SAMD12: variants seen among roughly 807,000 people sequenced by gnomAD.
SAMD12 encodes sterile alpha motif domain containing 12, also known as sterile alpha motif domain-containing protein 12.
Under a neutral mutation model 15.0 loss-of-function variants are expected in SAMD12, and 9 were observed. The ratio of observed to expected loss-of-function variants is 0.60; its 90% confidence interval spans 0.36 to 1.05. SAMD12 has a LOEUF of 1.05. SAMD12 is among the 50% of genes least tolerant of loss of function. The pLI, the probability that SAMD12 is intolerant of heterozygous loss-of-function variation, is 0.01. For missense variants in SAMD12, 230 were observed against 234.2 expected, an observed-to-expected ratio of 0.98 and a Z score of 0.12; for synonymous variants, 86 against 90.1, an observed-to-expected ratio of 0.96 and a Z score of 0.25.
chr8:118,203,400 G>C (rs921628611), intron 4 of SAMD12, among the ~76,000 whole-genome samples: 5 of 151,900 alleles, frequency 3.3e-5, no homozygotes, highest in African/African-American at 1.2e-4. Flanking sequence ...GTGTGTGTGT[G>C]TGTGTGTCGA....
chr8:118,599,579 A>G (rs74961928), intron 1 of SAMD12, among the ~76,000 whole-genome samples: 3,427 of 152,178 alleles, frequency 0.023, 106 homozygotes, highest in African/African-American at 0.076. Flanking sequence ...TTCACCTCCA[A>G]TCACCCCACT....
At chr8:118,200,135 C>A (rs1284964504) in intron 4 of SAMD12, among the ~76,000 whole-genome samples, 1 of 152,118 alleles carries the variant, frequency 6.6e-6, no homozygotes, top group African/African-American at 2.4e-5. Flanking sequence ...TCACCTTCTG[C>A]TATGATTGTG....
chr8:118,458,890 A>C (rs908229047), intron 2 of SAMD12, among the ~76,000 whole-genome samples: 11 of 152,084 alleles, frequency 7.2e-5, no homozygotes, highest in African/African-American at 2.7e-4. Context: ...TGTGCCTGAC[A>C]CTTAATTTCA....
chr8:118,308,222 C>T (rs1815444853), intron 4 of SAMD12, among the ~76,000 whole-genome samples: 1 of 152,154 alleles, frequency 6.6e-6, no homozygotes, highest in African/African-American at 2.4e-5. Context: ...TGCTGGGAAC[C>T]TGATACAGGC....
At chr8:118,246,178 G>A (rs2129990614) in intron 4 of SAMD12, among the ~76,000 whole-genome samples, 1 of 152,116 alleles carries the variant, frequency 6.6e-6, no homozygotes, top group East Asian at 1.9e-4. Flanking sequence ...TAACAGGAGA[G>A]TTGTCAGTGG....
the SAMD12 span, among the ~76,000 whole-genome samples, chr8:118,157,021 A>T: frequency 2.6e-5 from 4 of 152,202 alleles, no homozygotes; most frequent in African/African-American, 9.7e-5. Context: ...CAGCCAGTAA[A>T]TACACAGCAA....
At chr8:118,534,971 C>G (rs1563914320) in intron 2 of SAMD12, among the ~76,000 whole-genome samples, 1 of 152,218 alleles carries the variant, frequency 6.6e-6, no homozygotes, top group Non-Finnish European at 1.5e-5. Context: ...CATTCTCCAT[C>G]CAGCCTTGTT....
At position 118,439,356 on chromosome 8, in the gene SAMD12, A is replaced by C. The variant is rs576460189; in HGVS notation, c.322+476T>G. Among the ~76,000 whole-genome samples the C allele has an allele frequency of 6.8e-4, 103 of 152,310 alleles. No individual in the cohort carries two copies. The Middle Eastern group carries it at 0.024, about 35-fold the overall frequency. ...GGCCAGAGGACAGGAGTGTCAGGAA[A>C]ACCGACTTTCCACCATGGACTCTTT... On this transcript the variant is annotated intron_variant, in intron 3 of 3. Coordinates refer to ENST00000314727, the MANE Select transcript of SAMD12 (RefSeq NM_207506.3).
intron 3 of SAMD12, among the ~76,000 whole-genome samples, chr8:118,381,037 G>C (rs1028884383): frequency 6.6e-6 from 1 of 152,192 alleles, no homozygotes; most frequent in Non-Finnish European, 1.5e-5. Context: ...GCTCAGCTTA[G>C]AGTCATTTAT....
At chr8:118,347,460 GC>G (rs1338752321) in intron 4 of SAMD12, among the ~76,000 whole-genome samples, 2 of 152,174 alleles carry the variant, frequency 1.3e-5, no homozygotes, top group African/African-American at 4.8e-5. Context: ...TCTAAGGCCT[GC>G]TATGTTAACT....
intron 2 of SAMD12, among the ~76,000 whole-genome samples, chr8:118,455,508 C>T (rs941653188): frequency 1.3e-5 from 2 of 151,996 alleles, no homozygotes; most frequent in Non-Finnish European, 2.9e-5. Flanking sequence ...TTTGGGAATC[C>T]CTTTCACTTC....
intron 4 of SAMD12, among the ~76,000 whole-genome samples, chr8:118,236,443 C>T (rs1307816146): frequency 6.6e-6 from 1 of 152,126 alleles, no homozygotes; most frequent in Non-Finnish European, 1.5e-5. Context: ...GCTAAATTAC[C>T]AAGTGTGAGG....
intron 4 of SAMD12, among the ~76,000 whole-genome samples, chr8:118,256,745 C>T (rs528155053): frequency 2.7e-5 from 4 of 150,450 alleles, no homozygotes; most frequent in Admixed American, 6.7e-5. Context: ...AAATGGGCAA[C>T]AGGACCTTCT....
chr8:118,398,092 G>A (rs894965848), intron 3 of SAMD12, among the ~76,000 whole-genome samples: 2 of 152,128 alleles, frequency 1.3e-5, no homozygotes, highest in African/African-American at 4.8e-5. Flanking sequence ...CCAAGCCAGG[G>A]CTTGAGAATT....
At chr8:118,248,941 A>G (rs1812758911) in intron 4 of SAMD12, among the ~76,000 whole-genome samples, 1 of 152,162 alleles carries the variant, frequency 6.6e-6, no homozygotes, top group African/African-American at 2.4e-5. Context: ...ATTTCATTTT[A>G]TAAAATAAAA....
chr8:118,337,802 A>G (rs1817157778), intron 4 of SAMD12, among the ~76,000 whole-genome samples: 1 of 152,242 alleles, frequency 6.6e-6, no homozygotes, highest in Non-Finnish European at 1.5e-5. Context: ...AGGATATGCC[A>G]AAGAGAAGCC....
At chr8:118,133,108 A>G in the SAMD12 span, among the ~76,000 whole-genome samples, 1 of 148,392 alleles carries the variant, frequency 6.7e-6, no homozygotes, top group Non-Finnish European at 1.5e-5. Context: ...AATGATTTCC[A>G]TGTTGACAAA....
chr8:118,354,217 G>C (rs544979111), intron 4 of SAMD12, among the ~76,000 whole-genome samples: 1 of 152,188 alleles, frequency 6.6e-6, no homozygotes, highest in East Asian at 1.9e-4. Context: ...ATTTATAAAA[G>C]GCATAAAAAA....
chr8:118,245,396 C>T (rs929252970), intron 4 of SAMD12, among the ~76,000 whole-genome samples: 1 of 151,976 alleles, frequency 6.6e-6, no homozygotes, highest in African/African-American at 2.4e-5. Flanking sequence ...GTCTGGATGC[C>T]GCAAGGGGAG....
Sources: gnomAD v4.1 joint callset for allele counts (sites outside exome capture counted in the v4.1 genomes callset) on GRCh38, gnomAD v4.1.1 for gene constraint, MANE v1.5 for transcripts, NCBI Gene and HGNC (gene_info 2026-07-23, HGNC 2026-07-21) for gene names.